The following CENPC variants were observed in gnomAD, a reference collection of about 807,000 sequenced individuals.
CENPC encodes the protein centromere protein C.
In CENPC, 63 loss-of-function variants were observed where a neutral mutation model predicts 112.1. The ratio of observed to expected loss-of-function variants is 0.56; its 90% CI spans 0.46 to 0.69. The LOEUF (loss-of-function observed/expected upper bound fraction) is 0.69. CENPC is among the 30% of genes least tolerant of loss of function. The probability of loss-of-function intolerance (pLI) is 0.00; values close to 1 mark genes in which losing one functional copy is unlikely to be tolerated. For synonymous variants in CENPC, 333 were observed against 367.6 expected (o/e 0.91, Z 1.08); for missense variants, 1,000 against 1,103.8 (o/e 0.91, Z 1.33).
At chr4:67,513,725 C>G (rs1725964328) in intron 8 of CENPC, among the ~76,000 whole-genome samples, 1 of 152,142 alleles carries the variant, frequency 6.6e-6, no homozygotes, top group African/African-American at 2.4e-5. Context: ...GGACTTTTAT[C>G]TCTATAAAAA....
chr4:67,522,940 C>A (rs1726269428), intron 5 of CENPC, among the ~76,000 whole-genome samples: 1 of 151,558 alleles, frequency 6.6e-6, no homozygotes, highest in African/African-American at 2.4e-5. Context: ...GCGGAGGTTG[C>A]AGTGCACCAA....
At chr4:67,522,361 G>A (rs558293804) in intron 5 of CENPC, among the ~76,000 whole-genome samples, 5 of 152,232 alleles carry the variant, frequency 3.3e-5, no homozygotes, top group East Asian at 1.9e-4. Flanking sequence ...CAGAAGGGAC[G>A]GATTCTTCCA....
rs942480964 is a variant in CENPC, at chr4:67,470,931, G to A, written c.*1674C>T. 11 of 152,308 alleles carry A rather than the reference G, an allele frequency of 7.2e-5. No homozygotes were observed. The highest frequency in any genetic ancestry group is 2.7e-4 in the African/African-American group (11 of 41,428). 9.4% of individuals were successfully genotyped at this position (152,308 alleles called of 1,614,324 possible). A position where few individuals can be genotyped will look rare whatever the true frequency, so the allele number is the denominator to read the frequency against. On this transcript the variant is annotated 3_prime_UTR_variant, in exon 19 of 19. Transcript: ENST00000273853. The stretch of plus-strand genomic sequence containing the variant: ...ATTTAACAAGGTCCTGGAAACAGAA[G>A]GGCAGAAAAGGGTAACATGAGCTCT...
chr4:67,492,776 G>A (rs1725318767), intron 15 of CENPC, 93 bp downstream of exon 15: 2 of 1,379,828 alleles, frequency 1.4e-6, no homozygotes, highest in Non-Finnish European at 1.9e-6. Context: ...TGAAGTTTTT[G>A]GAAGTAAATT....
At chr4:67,483,358 A>T (rs1266439995) in intron 17 of CENPC, among the ~76,000 whole-genome samples, 1 of 89,878 alleles carries the variant, frequency 1.1e-5, no homozygotes, top group Non-Finnish European at 2.3e-5. Flanking sequence ...TCTCAATGAA[A>T]GAAAAAAAAA....
At chr4:67,518,502 T>C (rs1268050741) in intron 6 of CENPC, 134 bp from the exon 7 acceptor site, 3 of 928,784 alleles carry the variant, frequency 3.2e-6, no homozygotes, top group East Asian at 3.3e-5. Flanking sequence ...AAGACATAAA[T>C]GCTGATTTGT....
intron 17 of CENPC, among the ~76,000 whole-genome samples, chr4:67,481,703 T>C (rs190105062): frequency 1.1e-4 from 16 of 152,074 alleles, no homozygotes; most frequent in East Asian, 5.8e-4. Context: ...AAGGCACAAG[T>C]AGAAAAATAA....
intron 5 of CENPC, among the ~76,000 whole-genome samples, chr4:67,530,421 C>T (rs1326891077): frequency 6.6e-6 from 1 of 151,014 alleles, no homozygotes; most frequent in African/African-American, 2.4e-5. Context: ...TACAAACACA[C>T]ATGCTTTTTT....
At chr4:67,510,620 A>C (rs1343733958) in intron 9 of CENPC, 3 of 177,612 alleles carry the variant, frequency 1.7e-5, no homozygotes, top group African/African-American at 7.1e-5. Context: ...GACTGCCTTA[A>C]ATTTTTCACC....
rs1724584480 is a variant in CENPC, at chr4:67,469,087, C to A, written c.*3518G>T. The A allele has an allele frequency of 6.6e-6, 1 of 152,114 alleles. No individual in the cohort carries two copies. Among genetic ancestry groups the A allele is most frequent in the South Asian group, 2.1e-4 (1 of 4,820 alleles). The allele number at this position is 152,114 out of a possible 1,614,324, so 9.4% of individuals were successfully genotyped here. On this transcript the variant is annotated 3_prime_UTR_variant, in exon 19 of 19. Coordinates refer to ENST00000273853, the MANE Select transcript of CENPC (RefSeq NM_001812.4). The stretch of plus-strand genomic sequence containing the variant: ...TGTATCCTTGCCAAATTCCTGTTTT[C>A]TGCATTGTAGTTACATAGATGTAAG...
intron 10 of CENPC, among the ~76,000 whole-genome samples, chr4:67,508,548 G>A (rs886528966): frequency 1.4e-5 from 2 of 141,614 alleles, no homozygotes; most frequent in Non-Finnish European, 3.1e-5. Context: ...TTTAACTCTT[G>A]GATGACAATA....
In CENPC at chr4:67,471,003, CAA is replaced by C. The variant is rs34391346; in HGVS notation, c.*1600_*1601del. ...AAATGATGCATGCACAGGGGAGACT[CAA>C]GAGAGCATGGCAAATGTAAAAACCA... On this transcript the variant is annotated 3_prime_UTR_variant, in exon 19 of 19. Transcript: ENST00000273853. 33,773 of 151,914 alleles carry C rather than the reference CAA, an allele frequency of 0.22. 4,290 individuals carry two copies. Among genetic ancestry groups the C allele is most frequent in the Middle Eastern group, 0.36 (108 of 296 alleles). The allele number at this position is 151,914 out of a possible 1,614,324, so 9.4% of individuals were successfully genotyped here.
chr4:67,512,617 T>C, intron 8 of CENPC, 48 bp from the exon 9 acceptor site: 1 of 1,331,042 alleles, frequency 7.5e-7, no homozygotes, highest in Non-Finnish European at 9.9e-7. Context: ...ACTAAAAGAG[T>C]TTTCAGAAAA....
chr4:67,480,680 T>C (rs1315186883), intron 17 of CENPC, among the ~76,000 whole-genome samples: 1 of 152,002 alleles, frequency 6.6e-6, no homozygotes, highest in African/African-American at 2.4e-5. Context: ...ATAAACAGAA[T>C]TAAAACCAAA....
At chr4:67,543,089 G>T (rs931995442) in intron 2 of CENPC, among the ~76,000 whole-genome samples, 2 of 152,060 alleles carry the variant, frequency 1.3e-5, no homozygotes, top group African/African-American at 4.8e-5. Context: ...TTTTAAATGT[G>T]TGTGTGTGTT....
chr4:67,522,241 A>C (rs1450198790), intron 5 of CENPC, among the ~76,000 whole-genome samples: 1 of 152,234 alleles, frequency 6.6e-6, no homozygotes, highest in Non-Finnish European at 1.5e-5. Context: ...TAAGTTGGGA[A>C]TTCGTTGTTT....
chr4:67,487,235 C>T (rs1725119857), intron 17 of CENPC, among the ~76,000 whole-genome samples: 1 of 149,222 alleles, frequency 6.7e-6, no homozygotes, highest in Non-Finnish European at 1.5e-5. Flanking sequence ...TACCTAATAG[C>T]ACAGTTTATA....
At chr4:67,515,421 GCA>G (rs1260174975) in intron 7 of CENPC, among the ~76,000 whole-genome samples, 1 of 151,430 alleles carries the variant, frequency 6.6e-6, no homozygotes, top group Admixed American at 6.6e-5. Context: ...AGCCGAGATT[GCA>G]CCACTGCACT....
intron 4 of CENPC, among the ~76,000 whole-genome samples, chr4:67,534,378 T>C (rs355486): frequency 0.63 from 95,772 of 151,964 alleles, 30,436 homozygotes; most frequent in East Asian, 0.81. Flanking sequence ...ATCGTGCCAC[T>C]GCACTCCAGC....
Sources: gnomAD v4.1 joint callset for allele counts (sites outside exome capture counted in the v4.1 genomes callset) on GRCh38, gnomAD v4.1.1 for gene constraint, MANE v1.5 for transcripts, NCBI Gene and HGNC (gene_info 2026-07-23, HGNC 2026-07-21) for gene names.